The following MX1 variants were observed in gnomAD, a reference collection of about 807,000 sequenced individuals.
The protein encoded by MX1 is MX dynamin like GTPase 1, also known as interferon-induced GTP-binding protein Mx1.
A neutral mutation model predicts 66.4 loss-of-function variants in MX1; 66 were observed. That is an observed-to-expected ratio of 0.99 (90% CI 0.82 to 1.22). The LOEUF (loss-of-function observed/expected upper bound fraction) is 1.22. Among genes scored for constraint, MX1 ranks in the 50% most tolerant of loss-of-function variants. The pLI is 0.00. For synonymous variants in MX1, 311 were observed against 318.1 expected, an observed-to-expected ratio of 0.98 and a Z score of 0.24; for missense variants, 787 against 834.3, an observed-to-expected ratio of 0.94 and a Z score of 0.70.
chr21:41,454,673 A>G (rs973313858), intron 16 of MX1, among the ~76,000 whole-genome samples: 1 of 152,210 alleles, frequency 6.6e-6, no homozygotes, highest in Non-Finnish European at 1.5e-5. Context: ...AATTCATCCT[A>G]GGGAAGGAGG....
intron 10 of MX1, 92 bp downstream of exon 10, chr21:41,442,006 A>AGTGT (rs10693544): frequency 0.058 from 49,224 of 855,808 alleles, 373 homozygotes; most frequent in Admixed American, 0.12. Context: ...AGATGTGTGG[A>AGTGT]GTGTGTGTGT....
Position 41,441,554 on chromosome 21 carries a change from C to A in MX1, c.731-162C>A. 1 of 702,428 alleles carries A rather than the reference C, an allele frequency of 1.4e-6. No homozygotes were observed. Among genetic ancestry groups the A allele is most frequent in the Non-Finnish European group, 2.5e-6 (1 of 407,432 alleles). 43.5% of individuals were successfully genotyped at this position (702,428 alleles called of 1,614,324 possible). The stretch of plus-strand genomic sequence containing the variant: ...ACGCGGCTTGTCGTGGAGTTCTTTT[C>A]TGGAGCGGGGCTCCACTGCCCCCAT... On this transcript the variant is annotated intron_variant, in intron 9 of 16. Coordinates refer to ENST00000398598, the MANE Select transcript of MX1 (RefSeq NM_002462.5). This position sits in a 1 kb window ranked among gnomAD's most constrained non-coding sequence, Gnocchi z 4.0.
chr21:41,424,231 GT>G (rs2090021994), upstream of MX1, among the ~76,000 whole-genome samples: 1 of 69,530 alleles, frequency 1.4e-5, no homozygotes, highest in Non-Finnish European at 3.7e-5. Flanking sequence ...GGTTGAGTGT[GT>G]GTGTGTGTGT....
rs1353793345 is a variant in MX1, at chr21:41,445,480, G to A, written c.1041G>A (p.Lys347=). 4 of 1,613,920 alleles carry A rather than the reference G, an allele frequency of 2.5e-6. No homozygotes were observed. The highest frequency in any genetic ancestry group is 1.3e-5 in the African/African-American group (1 of 74,900). Residue 347 remains lysine, a synonymous_variant, in exon 12 of 17, where the codon AAG becomes AAA. Coordinates refer to ENST00000398598, the MANE Select transcript of MX1 (RefSeq NM_002462.5). ...KSLPLLENQI[K]ETHQRITEEL... is the part of the protein sequence containing the mutation. Reference sequence around the variant, plus strand: ...TGCCCCTGTTAGAAAATCAAATCAAGGAGACTCACCAGAGAATAACAGAGG... The same window carrying A: ...TGCCCCTGTTAGAAAATCAAATCAAAGAGACTCACCAGAGAATAACAGAGG...
At chr21:41,430,255 CGGG>C (rs1159622816) in intron 3 of MX1, among the ~76,000 whole-genome samples, 1 of 152,024 alleles carries the variant, frequency 6.6e-6, no homozygotes, top group Admixed American at 6.6e-5. Context: ...ACATGGCTCT[CGGG>C]GGAGATTCCT....
intron 14 of MX1, among the ~76,000 whole-genome samples, chr21:41,450,451 C>G (rs931501586): frequency 2.0e-5 from 3 of 152,162 alleles, no homozygotes; most frequent in African/African-American, 7.2e-5. Context: ...TGGAGATAGC[C>G]TCAGAACAGC....
intron 10 of MX1, among the ~76,000 whole-genome samples, chr21:41,442,995 A>G (rs890255443): frequency 6.6e-6 from 1 of 152,218 alleles, no homozygotes; most frequent in African/African-American, 2.4e-5. Context: ...CCATTGTTTC[A>G]GTTTGGGAAT....
intron 4 of MX1, among the ~76,000 whole-genome samples, chr21:41,430,996 A>G (rs2090195056): frequency 6.6e-6 from 1 of 152,198 alleles, no homozygotes; most frequent in South Asian, 2.1e-4. Context: ...CAGTTCTATA[A>G]CAATTTTATT....
chr21:41,444,056 G>T (rs1415447707), intron 11 of MX1, among the ~76,000 whole-genome samples, 190 bp downstream of exon 11: 1 of 152,146 alleles, frequency 6.6e-6, no homozygotes, highest in Admixed American at 6.5e-5. Context: ...AGACAATGTG[G>T]ATATTCCTTT....
intron 4 of MX1, among the ~76,000 whole-genome samples, chr21:41,431,111 C>G (rs943176326): frequency 6.6e-6 from 1 of 152,204 alleles, no homozygotes; most frequent in African/African-American, 2.4e-5. Flanking sequence ...CAACCTTCAC[C>G]TCCCAGGTTC....
At chr21:41,448,246 A>G (rs373819266) in intron 13 of MX1, among the ~76,000 whole-genome samples, 7 of 152,198 alleles carry the variant, frequency 4.6e-5, no homozygotes, top group South Asian at 2.1e-4. Context: ...AAAATGCAGC[A>G]TCTTACACAG....
chr21:41,440,778 A>C (rs1471693190), intron 8 of MX1, 109 bp from the exon 9 acceptor site: 1 of 1,295,332 alleles, frequency 7.7e-7, no homozygotes, highest in African/African-American at 1.5e-5. Flanking sequence ...TTTTGGGGGA[A>C]ATACCCCTGG....
At position 41,431,928 on chromosome 21, in the gene MX1, A is replaced by T. The variant is rs571798402; in HGVS notation, c.-21-122A>T. 152 of 689,184 alleles carry T rather than the reference A, an allele frequency of 2.2e-4. 4 individuals carry two copies. In the South Asian group the frequency reaches 2.6e-3, roughly 12 times the overall value. 42.7% of individuals were successfully genotyped at this position (689,184 alleles called of 1,614,324 possible). On this transcript the variant is annotated intron_variant, in intron 4 of 16. Coordinates refer to ENST00000398598, the MANE Select transcript of MX1 (RefSeq NM_002462.5). ...CACTCTTCTACGCTCTGGGGACATC[A>T]CCATGAACAACTAGTCAGAGTCCCC...
chr21:41,453,765 C>T (rs928478796), intron 16 of MX1, among the ~76,000 whole-genome samples: 22 of 152,148 alleles, frequency 1.4e-4, no homozygotes, highest in African/African-American at 5.3e-4. Context: ...GTGTACTTGC[C>T]CTCCCTAAAG....
At chr21:41,440,705 T>C (rs1316315561) in intron 8 of MX1, among the ~76,000 whole-genome samples, 182 bp from the exon 9 acceptor site, 2 of 152,210 alleles carry the variant, frequency 1.3e-5, no homozygotes, top group African/African-American at 4.8e-5. Flanking sequence ...ATTTATTTTC[T>C]CATAATTCCA....
Position 41,437,020 on chromosome 21 carries a change from G to C in MX1, c.304G>C (p.Val102Leu). ...ATGTGGGCGTGGCCTCCTAGGGATC[G>C]TGACCAGATGCCCGCTGGTGCTGAA... ...GVALPRGSGIVTRCPLVLKLK... is the reference protein window; with the variant it reads ...GVALPRGSGILTRCPLVLKLK... The change falls in exon 7 of 17, where the codon GTG (valine) becomes CTG (leucine). Residue 102 changes from valine (V) to leucine (L), a missense_variant. By Grantham distance (32) the Val-to-Leu change is conservative. Coordinates refer to ENST00000398598, the MANE Select transcript of MX1 (RefSeq NM_002462.5). The C allele has an allele frequency of 1.9e-6, 3 of 1,613,898 alleles. No homozygotes were observed. Among genetic ancestry groups the C allele is most frequent in the Non-Finnish European group, 2.5e-6 (3 of 1,179,834 alleles).
chr21:41,426,823 G>T (rs2090074075), intron 1 of MX1: 2 of 141,388 alleles, frequency 1.4e-5, no homozygotes, highest in Non-Finnish European at 3.1e-5. Context: ...GGGCATGCGC[G>T]GGAAGACCCC....
intron 11 of MX1, among the ~76,000 whole-genome samples, chr21:41,444,415 C>T (rs2090606726): frequency 6.8e-6 from 1 of 147,782 alleles, no homozygotes; most frequent in African/African-American, 2.5e-5. Flanking sequence ...CAACCTCTGC[C>T]TCCTGGGTTC....
Position 41,458,531 on chromosome 21 carries a change from G to A in MX1, c.1762G>A (p.Ala588Thr). ...GTGAACTGTTCTTTCCTTCCAGGAG[G>A]CCAGCAAGCGCATCTCCAGCCACAT... ...FQHLMAYHQE[A>T]SKRISSHIPL... The change falls in exon 17 of 17, where the codon GCC (alanine) becomes ACC (threonine). Residue 588 changes from alanine (A) to threonine (T), a missense_variant. Transcript: ENST00000398598. 6.5e-7 allele frequency: 1 copy of A among 1,528,796 alleles called. No homozygotes were observed. Among genetic ancestry groups the A allele is most frequent in the Non-Finnish European group, 8.8e-7 (1 of 1,131,504 alleles). The allele number at this position is 1,528,796 out of a possible 1,614,324, so 94.7% of individuals were successfully genotyped here.
Sources: gnomAD v4.1 joint callset for allele counts (sites outside exome capture counted in the v4.1 genomes callset) on GRCh38, gnomAD v4.1.1 for gene constraint, Gnocchi (gnomAD v3.1) non-coding constraint, MANE v1.5 for transcripts, NCBI Gene and HGNC (gene_info 2026-07-23, HGNC 2026-07-21) for gene names.